Variants in TMEM65 observed in about 807,000 individuals in gnomAD.
TMEM65 encodes the protein transmembrane protein 65.
Under a neutral mutation model 25.4 loss-of-function variants are expected in TMEM65, and 22 were observed. That is an observed-to-expected ratio of 0.86 (90% confidence interval 0.62 to 1.23). TMEM65 has a LOEUF of 1.23. Ranked by LOEUF, TMEM65 falls within the 50% of genes most tolerant of loss-of-function variation. The pLI, the probability that TMEM65 is intolerant of heterozygous loss-of-function variation, is 0.00. For synonymous variants in TMEM65, 132 were observed against 126.2 expected (o/e 1.05, Z -0.31); for missense variants, 262 against 308.2 (o/e 0.85, Z 1.12).
chr8:124,361,296 G>A (rs1563599637), intron 1 of TMEM65, among the ~76,000 whole-genome samples: 4 of 151,996 alleles, frequency 2.6e-5, no homozygotes, highest in Admixed American at 6.6e-5. Context: ...TAAGCTGGGC[G>A]TAGTGGTGGG....
chr8:124,362,572 G>T (rs1187445697), intron 1 of TMEM65, among the ~76,000 whole-genome samples: 1 of 145,206 alleles, frequency 6.9e-6, no homozygotes, highest in Non-Finnish European at 1.5e-5. Context: ...TTAGTCATGA[G>T]AATCGCTTGA....
intron 6 of TMEM65, among the ~76,000 whole-genome samples, chr8:124,316,178 A>C (rs1021693401): frequency 6.6e-6 from 1 of 152,206 alleles, no homozygotes; most frequent in African/African-American, 2.4e-5. Context: ...GACCTGAAAC[A>C]AATTTTTCCA....
intron 5 of TMEM65, 120 bp downstream of exon 5, chr8:124,321,985 T>C: frequency 1.2e-6 from 1 of 830,972 alleles, no homozygotes; most frequent in Non-Finnish European, 1.9e-6. Context: ...TTTGAAATTT[T>C]AATTCTAGAA....
intron 1 of TMEM65, among the ~76,000 whole-genome samples, chr8:124,345,309 C>G (rs952937243): frequency 6.6e-6 from 1 of 152,180 alleles, no homozygotes; most frequent in African/African-American, 2.4e-5. Flanking sequence ...GGGAGGAACT[C>G]TCTAAACCTG....
At chr8:124,364,343 T>C (rs1487046197) in intron 1 of TMEM65, among the ~76,000 whole-genome samples, 1 of 151,506 alleles carries the variant, frequency 6.6e-6, no homozygotes, top group Non-Finnish European at 1.5e-5. Flanking sequence ...GAGAATAGAG[T>C]AGAAAAGTCT....
At chr8:124,371,177 T>C (rs537395346) in intron 1 of TMEM65, among the ~76,000 whole-genome samples, 1 of 152,372 alleles carries the variant, frequency 6.6e-6, no homozygotes, top group East Asian at 1.9e-4. Context: ...CCAAAAAATA[T>C]ACCTCCTTAT....
chr8:124,323,282 G>A (rs1814327895), intron 4 of TMEM65, 39 bp downstream of exon 4: 1 of 1,130,376 alleles, frequency 8.8e-7, no homozygotes, highest in Non-Finnish European at 1.3e-6. Flanking sequence ...TGTTTTATAA[G>A]TGTACAATGA....
At chr8:124,363,055 C>A (rs1814892139) in intron 1 of TMEM65, among the ~76,000 whole-genome samples, 1 of 152,160 alleles carries the variant, frequency 6.6e-6, no homozygotes. Flanking sequence ...GATCTTTGAT[C>A]CTATTTTGAT....
chr8:124,349,421 T>C (rs913326205), intron 1 of TMEM65, among the ~76,000 whole-genome samples: 1 of 152,170 alleles, frequency 6.6e-6, no homozygotes, highest in Admixed American at 6.5e-5. Context: ...GTTTTTTGAA[T>C]GGAGGTATTA....
At chr8:124,368,727 C>A (rs1444645975) in intron 1 of TMEM65, among the ~76,000 whole-genome samples, 2 of 152,198 alleles carry the variant, frequency 1.3e-5, no homozygotes. Flanking sequence ...GGAAATGGAT[C>A]CTCCAGCCCC....
intron 1 of TMEM65, chr8:124,351,170 T>C (rs1814702639): frequency 1.1e-6 from 1 of 921,310 alleles, no homozygotes; most frequent in Admixed American, 6.2e-5. Flanking sequence ...ATAAATAATA[T>C]ATATATAAAC....
chr8:124,366,961 C>G (rs569589459), intron 1 of TMEM65, among the ~76,000 whole-genome samples: 1 of 152,320 alleles, frequency 6.6e-6, no homozygotes, highest in South Asian at 2.1e-4. Context: ...ACTCCTCTTG[C>G]CTCAATTCAT....
chr8:124,328,097 G>A (rs956231804), intron 2 of TMEM65, among the ~76,000 whole-genome samples: 3 of 151,962 alleles, frequency 2.0e-5, no homozygotes, highest in Admixed American at 2.0e-4. Flanking sequence ...CATCTATTGG[G>A]TATATAAATT....
chr8:124,318,038 A>C (rs927510720), intron 6 of TMEM65, among the ~76,000 whole-genome samples: 2 of 152,202 alleles, frequency 1.3e-5, no homozygotes, highest in Non-Finnish European at 2.9e-5. Flanking sequence ...ATGTTTTAAG[A>C]AAGTTTACCA....
At chr8:124,356,045 T>C (rs1814775953) in intron 1 of TMEM65, among the ~76,000 whole-genome samples, 1 of 152,142 alleles carries the variant, frequency 6.6e-6, no homozygotes, top group African/African-American at 2.4e-5. Flanking sequence ...GGAATAGCAG[T>C]ATTGTAGGAA....
intron 1 of TMEM65, among the ~76,000 whole-genome samples, chr8:124,370,130 A>G (rs1039458762): frequency 2.0e-5 from 3 of 152,182 alleles, no homozygotes; most frequent in Non-Finnish European, 4.4e-5. Flanking sequence ...AAATTTAAAA[A>G]TATTATCTTT....
chr8:124,340,808 G>A (rs1814575688), intron 1 of TMEM65, among the ~76,000 whole-genome samples: 1 of 152,082 alleles, frequency 6.6e-6, no homozygotes, highest in South Asian at 2.1e-4. Flanking sequence ...AGAAAAATGT[G>A]CACAAATAGG....
intron 6 of TMEM65, among the ~76,000 whole-genome samples, chr8:124,318,101 G>A (rs768516866): frequency 6.6e-6 from 1 of 152,126 alleles, no homozygotes; most frequent in African/African-American, 2.4e-5. Context: ...GCTTGCTCTA[G>A]ATGGAGGGAG....
chr8:124,311,150 C>T lies in TMEM65; in HGVS notation c.*2810G>A, dbSNP rs553928503. On this transcript the variant is annotated 3_prime_UTR_variant, in exon 7 of 7. Coordinates refer to ENST00000297632, the MANE Select transcript of TMEM65 (RefSeq NM_194291.3). ...CTGCTGTAAATACCCATCAGTGTGA[C>T]TTATGTGAGTCTATCTAAAGCTTTT... The T allele has an allele frequency of 6.6e-6, 1 of 152,264 alleles. No homozygotes were observed. Among genetic ancestry groups the T allele is most frequent in the East Asian group, 1.9e-4 (1 of 5,184 alleles). 9.4% of individuals were successfully genotyped at this position (152,264 alleles called of 1,614,324 possible). A position where few individuals can be genotyped will look rare whatever the true frequency, so the allele number is the denominator to read the frequency against.
Sources: gnomAD v4.1 joint callset for allele counts (sites outside exome capture counted in the v4.1 genomes callset) on GRCh38, gnomAD v4.1.1 for gene constraint, MANE v1.5 for transcripts, NCBI Gene and HGNC (gene_info 2026-07-23, HGNC 2026-07-21) for gene names.